The following TMEM30A variants were observed in gnomAD, a reference collection of about 807,000 sequenced individuals.
TMEM30A encodes the protein cell cycle control protein 50A.
In TMEM30A, 24 loss-of-function variants were observed where a neutral mutation model predicts 38.2. The observed-to-expected ratio is 0.63, with a 90% CI of 0.46 to 0.88. TMEM30A has a LOEUF of 0.88. Among genes scored for constraint, TMEM30A ranks in the 40% least tolerant of loss-of-function variants. The pLI is 0.00. For missense variants in TMEM30A, 370 were observed against 458.6 expected (o/e 0.81, Z 1.77); for synonymous variants, 145 against 161.6 (o/e 0.90, Z 0.78).
chr6:75,264,201 T>A (rs557128908), intron 3 of TMEM30A, among the ~76,000 whole-genome samples: 1 of 152,330 alleles, frequency 6.6e-6, no homozygotes, highest in South Asian at 2.1e-4. Flanking sequence ...CAAGATAACC[T>A]AGAGCAGTTA....
chr6:75,275,765 T>C (rs1463660714), intron 1 of TMEM30A, among the ~76,000 whole-genome samples: 1 of 152,200 alleles, frequency 6.6e-6, no homozygotes, highest in Non-Finnish European at 1.5e-5. Context: ...TGTGATATTG[T>C]GATTTACAGT....
At chr6:75,260,241 T>A (rs1295759047) in intron 4 of TMEM30A, among the ~76,000 whole-genome samples, 8 of 151,712 alleles carry the variant, frequency 5.3e-5, no homozygotes, top group African/African-American at 9.7e-5. Context: ...CCGTCTCTAC[T>A]AAAAATACAA....
intron 1 of TMEM30A, among the ~76,000 whole-genome samples, chr6:75,277,505 G>A (rs376017286): frequency 1.4e-4 from 22 of 152,300 alleles, no homozygotes; most frequent in Admixed American, 4.6e-4. Context: ...TCGGGAGGCC[G>A]AGGCAAGAAG....
intron 1 of TMEM30A, among the ~76,000 whole-genome samples, chr6:75,278,065 C>T (rs1772291781): frequency 6.6e-6 from 1 of 151,782 alleles, no homozygotes; most frequent in Non-Finnish European, 1.5e-5. Flanking sequence ...TTTTAAGTAT[C>T]AGCAAAGCCA....
chr6:75,284,139 C>A, intron 1 of TMEM30A: 1 of 529,650 alleles, frequency 1.9e-6, no homozygotes, highest in Non-Finnish European at 3.4e-6. Flanking sequence ...CTATCTTCTG[C>A]ATTAAACATT....
chr6:75,280,052 T>C (rs1016115353), intron 1 of TMEM30A, among the ~76,000 whole-genome samples: 4 of 152,190 alleles, frequency 2.6e-5, no homozygotes, highest in Admixed American at 2.0e-4. Flanking sequence ...AAAAGGTAAG[T>C]AAAACTTTCA....
intron 1 of TMEM30A, 66 bp downstream of exon 1, chr6:75,284,336 T>A (rs1048094994): frequency 3.4e-6 from 5 of 1,470,436 alleles, no homozygotes; most frequent in South Asian, 1.1e-5. Flanking sequence ...GGGAAAGAAG[T>A]GGAGTGGGCG....
intron 1 of TMEM30A, among the ~76,000 whole-genome samples, chr6:75,268,337 C>G (rs1043610798): frequency 3.9e-5 from 6 of 152,188 alleles, no homozygotes; most frequent in African/African-American, 1.4e-4. Flanking sequence ...AACAAGATGA[C>G]TCAGGATAGC....
intron 2 of TMEM30A, among the ~76,000 whole-genome samples, chr6:75,266,783 G>GTA: frequency 6.6e-6 from 1 of 152,258 alleles, no homozygotes; most frequent in Non-Finnish European, 1.5e-5. Flanking sequence ...TACTTTAAAT[G>GTA]TATATTCTGT....
In TMEM30A at chr6:75,284,577, C is replaced by G. The variant is rs761488639; in HGVS notation, c.62G>C (p.Gly21Ala). 6.2e-7 allele frequency: 1 copy of G among 1,612,822 alleles called. No individual in the cohort carries two copies. The highest frequency in any genetic ancestry group is 2.2e-5 in the East Asian group (1 of 44,862). Residue 21 changes from glycine (G) to alanine (A), a missense_variant, in exon 1 of 7, where the codon GGC (glycine) becomes GCC (alanine). Gly to Ala is a moderately conservative substitution (Grantham distance 60). Coordinates refer to ENST00000230461, the MANE Select transcript of TMEM30A (RefSeq NM_018247.4). ...VDGGPPCAPG[G>A]TAKTRRPDNT... ...ATCCGGTCTCCGAGTCTTCGCGGTG[C>G]CCCCCGGAGCACACGGGGGCCCACC...
intron 1 of TMEM30A, among the ~76,000 whole-genome samples, chr6:75,273,888 G>A (rs1772216038): frequency 6.6e-6 from 1 of 152,186 alleles, no homozygotes; most frequent in Non-Finnish European, 1.5e-5. Context: ...ATGTCTTGAT[G>A]GTACTGACTG....
chr6:75,265,722 C>CT (rs11302534), intron 2 of TMEM30A, among the ~76,000 whole-genome samples: 2 of 151,528 alleles, frequency 1.3e-5, no homozygotes, highest in African/African-American at 4.9e-5. Flanking sequence ...AAACTTGTTT[C>CT]TTTTTTTTTT....
Position 75,265,263 on chromosome 6 carries a change from T to A in TMEM30A, c.421A>T (p.Ser141Cys). ...HRRYVKSRDDSQLNGDSSALL... is the reference protein window; with the variant it reads ...HRRYVKSRDDCQLNGDSSALL... ...GCACTAGAATCTCCATTTAGTTGAC[T>A]ATCATCTCGAGATTTCACGTAACGA... Residue 141 changes from serine to cysteine, a missense_variant, in exon 3 of 7, where the codon AGT becomes TGT. Coordinates refer to ENST00000230461, the MANE Select transcript of TMEM30A (RefSeq NM_018247.4). 1 of 1,610,836 alleles carries A rather than the reference T, an allele frequency of 6.2e-7. No individual in the cohort carries two copies.
intron 1 of TMEM30A, among the ~76,000 whole-genome samples, chr6:75,278,189 T>C (rs997354957): frequency 1.3e-5 from 2 of 152,240 alleles, no homozygotes; most frequent in Non-Finnish European, 2.9e-5. Context: ...TTCCAGCGTC[T>C]AAACTACTAC....
intron 1 of TMEM30A, among the ~76,000 whole-genome samples, chr6:75,278,842 G>A (rs921753180): frequency 6.6e-6 from 1 of 151,818 alleles, no homozygotes; most frequent in African/African-American, 2.4e-5. Context: ...TTGATTTCCT[G>A]CCACTAGATC....
Position 75,265,242 on chromosome 6 carries a change from T to C in TMEM30A, c.442A>G (p.Ser148Gly). 1.3e-6 allele frequency: 2 copies of C among 1,598,734 alleles called. No homozygotes were observed. The highest frequency in any genetic ancestry group is 1.7e-6 in the Non-Finnish European group (2 of 1,169,186). ...ATCATTTTACTTACAAGCAAAGCAC[T>C]AGAATCTCCATTTAGTTGACTATCA... is the stretch of plus-strand genomic sequence containing the variant. ...RDDSQLNGDSSALLNPSKECE... is the reference protein window; with the variant it reads ...RDDSQLNGDSGALLNPSKECE... The change falls in exon 3 of 7, where the codon AGT (serine) becomes GGT (glycine). Residue 148 changes from serine to glycine, a missense_variant. Transcript: ENST00000230461.
intron 4 of TMEM30A, 29 bp from the exon 5 acceptor site, chr6:75,259,519 AAC>A (rs768188990): frequency 1.3e-6 from 2 of 1,561,026 alleles, no homozygotes; most frequent in Admixed American, 3.9e-5. Context: ...AGACATTACT[AAC>A]TATCTCTTGA....
At chr6:75,270,881 A>C (rs1772156110) in intron 1 of TMEM30A, among the ~76,000 whole-genome samples, 2 of 152,226 alleles carry the variant, frequency 1.3e-5, no homozygotes, top group African/African-American at 4.8e-5. Context: ...GCATAATTAA[A>C]GAAGAGCTAG....
intron 1 of TMEM30A, among the ~76,000 whole-genome samples, chr6:75,274,020 T>C (rs1772218480): frequency 6.6e-6 from 1 of 152,194 alleles, no homozygotes; most frequent in African/African-American, 2.4e-5. Context: ...ACAAGTGGGA[T>C]AGAAAGTCAC....
Sources: allele counts gnomAD v4.1 joint callset (sites outside exome capture counted in the v4.1 genomes callset), GRCh38; gene constraint gnomAD v4.1.1; transcripts MANE v1.5; gene names NCBI Gene and HGNC (gene_info 2026-07-23, HGNC 2026-07-21).